The following EPC1 variants were observed in gnomAD, a reference collection of about 807,000 sequenced individuals.
EPC1 encodes the protein enhancer of polycomb homolog 1.
EPC1 carries 12 observed loss-of-function variants against 98.4 expected under a neutral mutation model. The ratio of observed to expected loss-of-function variants is 0.12; its 90% CI spans 0.08 to 0.20. The LOEUF (loss-of-function observed/expected upper bound fraction) is 0.20, where lower values mean the gene tolerates loss of function less well. Ranked by LOEUF, EPC1 falls within the 10% of genes least tolerant of loss-of-function variation. The pLI, the probability that EPC1 is intolerant of heterozygous loss-of-function variation, is 1.00. For synonymous variants in EPC1, 357 were observed against 363.9 expected, an observed-to-expected ratio of 0.98 and a Z score of 0.21; for missense variants, 729 against 990.5, an observed-to-expected ratio of 0.74 and a Z score of 3.54.
intron 2 of EPC1, among the ~76,000 whole-genome samples, chr10:32,294,971 A>G (rs775482244): frequency 1.3e-5 from 2 of 152,056 alleles, no homozygotes; most frequent in Non-Finnish European, 2.9e-5. Flanking sequence ...AAGGAGGCAA[A>G]TGCCTATTTA....
chr10:32,353,812 CACTT>C (rs1839194220), intron 1 of EPC1, among the ~76,000 whole-genome samples: 2 of 152,220 alleles, frequency 1.3e-5, no homozygotes. Flanking sequence ...AATACATTAT[CACTT>C]GAAGTAATCA....
intron 1 of EPC1, among the ~76,000 whole-genome samples, chr10:32,311,226 T>C (rs182501686): frequency 0.018 from 2,748 of 150,728 alleles, 83 homozygotes; most frequent in African/African-American, 0.063. Context: ...GGCAGGAGAA[T>C]GGCATGAACC....
intron 1 of EPC1, among the ~76,000 whole-genome samples, chr10:32,371,357 T>G (rs558368938): frequency 6.6e-6 from 1 of 152,298 alleles, no homozygotes; most frequent in African/African-American, 2.4e-5. Flanking sequence ...ATGGATACTA[T>G]GTCCTACTAG....
At chr10:32,280,450 C>CA (rs1288652234) in intron 10 of EPC1, among the ~76,000 whole-genome samples, 4 of 150,102 alleles carry the variant, frequency 2.7e-5, no homozygotes, top group Non-Finnish European at 4.4e-5. Flanking sequence ...AACTGTATCT[C>CA]AAAAAAAAGG....
chr10:32,300,059 C>G (rs1264785667), intron 2 of EPC1, among the ~76,000 whole-genome samples: 3 of 151,726 alleles, frequency 2.0e-5, no homozygotes, highest in African/African-American at 7.3e-5. Context: ...CTACAGGCAC[C>G]TGCCACCACG....
chr10:32,288,632 T>G (rs987546280), intron 6 of EPC1, among the ~76,000 whole-genome samples: 1 of 152,130 alleles, frequency 6.6e-6, no homozygotes, highest in Non-Finnish European at 1.5e-5. Context: ...ATTATAGGCA[T>G]GAGCTGCTGC....
chr10:32,317,189 T>G (rs1382700210), intron 1 of EPC1, among the ~76,000 whole-genome samples: 2 of 152,122 alleles, frequency 1.3e-5, no homozygotes, highest in African/African-American at 4.8e-5. Context: ...AGGAGTGAGA[T>G]TTTTTTGCTT....
rs572812911 is a variant in EPC1 at position 32,363,986 on chromosome 10, T to C, written c.3+14505A>G. ...AAAGTCTAATTTTATAATAGTATCG[T>C]GTCCATCATGTTGGCATTTTTTTTT... On this transcript the variant is annotated intron_variant, in intron 1 of 13. Transcript: ENST00000375110. Among the ~76,000 whole-genome samples, 6 of 146,868 alleles carry C rather than the reference T, an allele frequency of 4.1e-5. No homozygotes were observed. The South Asian group carries it at 1.3e-3, about 33-fold the overall frequency.
upstream of EPC1, among the ~76,000 whole-genome samples, chr10:32,347,857 T>C (rs1838960232): frequency 6.6e-6 from 1 of 152,282 alleles, no homozygotes. Context: ...TTGATCCGTT[T>C]CCCACGCATT....
At chr10:32,319,468 C>T (rs563190631) in intron 1 of EPC1, among the ~76,000 whole-genome samples, 8 of 152,210 alleles carry the variant, frequency 5.3e-5, no homozygotes, top group Admixed American at 2.6e-4. Flanking sequence ...ATTACCATTA[C>T]CAGTGAGGTG....
chr10:32,310,063 T>C (rs1382192697), intron 1 of EPC1, among the ~76,000 whole-genome samples: 3 of 151,938 alleles, frequency 2.0e-5, no homozygotes, highest in Admixed American at 6.6e-5. Context: ...GGTGTCGTAG[T>C]GCACACCTGT....
intron 1 of EPC1, among the ~76,000 whole-genome samples, chr10:32,370,308 G>A (rs1839710881): frequency 6.6e-6 from 1 of 152,134 alleles, no homozygotes; most frequent in Non-Finnish European, 1.5e-5. Context: ...TGGATAGTAG[G>A]TTTTGAAAGA....
rs1392752209 is a variant in EPC1, at chr10:32,268,080, C to A, written c.*983G>T. ...ATTACTGCATTCTTCTCCCTTATAT[C>A]CTTTTCGTAAGAACAAGTAAAGAAT... On this transcript the variant is annotated 3_prime_UTR_variant, in exon 14 of 14. Transcript: ENST00000319778. 1 of 152,176 alleles carries A rather than the reference C, an allele frequency of 6.6e-6. No homozygotes were observed. Among genetic ancestry groups the A allele is most frequent in the Non-Finnish European group, 1.5e-5 (1 of 68,042 alleles). The allele number at this position is 152,176 out of a possible 1,614,324, so 9.4% of individuals were successfully genotyped here. A position where few individuals can be genotyped will look rare whatever the true frequency, so the allele number is the denominator to read the frequency against.
chr10:32,294,876 A>ACATCAGATTTCATTGATTTCATG (rs1274606596), intron 2 of EPC1, among the ~76,000 whole-genome samples: 1 of 152,144 alleles, frequency 6.6e-6, no homozygotes, highest in Non-Finnish European at 1.5e-5. Context: ...TGATCTAGTA[A>ACATCAGATTTCATTGATTTCATG]CATCAGATTT....
At chr10:32,365,812 C>T (rs1394342074) in intron 1 of EPC1, among the ~76,000 whole-genome samples, 5 of 95,214 alleles carry the variant, frequency 5.3e-5, no homozygotes, top group Admixed American at 1.3e-4. Flanking sequence ...GAGAGAGCTC[C>T]GTCTCACAAA....
chr10:32,335,672 CA>C (rs1197868197), intron 1 of EPC1, among the ~76,000 whole-genome samples: 1 of 152,198 alleles, frequency 6.6e-6, no homozygotes, highest in East Asian at 1.9e-4. Context: ...GTCACAGTCA[CA>C]GTGCTGTTTT....
At chr10:32,294,755 T>C (rs771227908) in intron 2 of EPC1, among the ~76,000 whole-genome samples, 3 of 152,168 alleles carry the variant, frequency 2.0e-5, no homozygotes, top group Admixed American at 6.5e-5. Flanking sequence ...ATATAAAAAT[T>C]TGTCTCACAT....
At chr10:32,314,274 C>T (rs1836426182) in intron 1 of EPC1, among the ~76,000 whole-genome samples, 1 of 152,134 alleles carries the variant, frequency 6.6e-6, no homozygotes, top group Admixed American at 6.5e-5. Flanking sequence ...GTTTTCTATA[C>T]ATAGCAATAT....
chr10:32,290,772 CTTTTT>C (rs1216358563), intron 6 of EPC1, among the ~76,000 whole-genome samples: 1 of 151,128 alleles, frequency 6.6e-6, no homozygotes, highest in South Asian at 2.1e-4. Context: ...ATGTATTTTT[CTTTTT>C]TTATCTTTTT....
Sources: gnomAD v4.1 joint callset for allele counts (sites outside exome capture counted in the v4.1 genomes callset) on GRCh38, gnomAD v4.1.1 for gene constraint, MANE v1.5 for transcripts, NCBI Gene and HGNC (gene_info 2026-07-23, HGNC 2026-07-21) for gene names.